NPAS3: variants seen among roughly 807,000 people sequenced by gnomAD.
NPAS3 encodes the protein neuronal PAS domain protein 3, also known as neuronal PAS domain-containing protein 3.
NPAS3 carries 14 observed loss-of-function variants against 73.1 expected under a neutral mutation model. The observed-to-expected ratio is 0.19, with a 90% CI of 0.13 to 0.30. NPAS3 has a LOEUF of 0.30. Ranked by LOEUF, NPAS3 falls within the 10% of genes least tolerant of loss-of-function variation. NPAS3 has a pLI of 1.00. For missense variants in NPAS3, 1,096 were observed against 1,250.0 expected, an observed-to-expected ratio of 0.88 and a Z score of 1.86; for synonymous variants, 620 against 541.5, an observed-to-expected ratio of 1.14 and a Z score of -2.01.
At chr14:33,653,414 G>C (rs1482782941) in intron 5 of NPAS3, among the ~76,000 whole-genome samples, 1 of 152,208 alleles carries the variant, frequency 6.6e-6, no homozygotes, top group Non-Finnish European at 1.5e-5. Flanking sequence ...ATTCTTGGCA[G>C]CATGTTTTTA....
Position 33,160,650 on chromosome 14 carries a change from A to G in NPAS3, c.141-54532A>G, listed in dbSNP as rs555631748. ...AAACTTAAAGTATAATTAAAAAAAA[A>G]AAAAGAAAAGTCTGTGGTTCTGTCC... On this transcript the variant is annotated intron_variant, in intron 2 of 11. Transcript: ENST00000356141. Among the ~76,000 whole-genome samples, 6 of 152,118 alleles carry G rather than the reference A, an allele frequency of 3.9e-5. No homozygotes were observed. In the East Asian group the frequency reaches 9.6e-4, roughly 24 times the overall value.
chr14:33,578,982 A>G (rs1235657337), intron 5 of NPAS3, among the ~76,000 whole-genome samples: 1 of 152,254 alleles, frequency 6.6e-6, no homozygotes, highest in Non-Finnish European at 1.5e-5. Context: ...GCCAAGCTCA[A>G]TGTCAGCAGT....
chr14:33,080,824 A>C (rs1595397896), intron 2 of NPAS3, among the ~76,000 whole-genome samples: 1 of 152,228 alleles, frequency 6.6e-6, no homozygotes, highest in Non-Finnish European at 1.5e-5. Flanking sequence ...GAGGTTTTGC[A>C]GTCTTTCAGC....
At chr14:33,175,535 A>G (rs1281935405) in intron 2 of NPAS3, among the ~76,000 whole-genome samples, 1 of 152,212 alleles carries the variant, frequency 6.6e-6, no homozygotes, top group Non-Finnish European at 1.5e-5. Context: ...GGAAAAATTC[A>G]CATTTTTCCT....
At chr14:33,645,701 G>A (rs1229904602) in intron 5 of NPAS3, among the ~76,000 whole-genome samples, 3 of 152,160 alleles carry the variant, frequency 2.0e-5, no homozygotes, top group Non-Finnish European at 4.4e-5. Context: ...AGTAATTCAA[G>A]GACTCTCTCT....
At chr14:33,134,293 T>C (rs1256585045) in intron 2 of NPAS3, among the ~76,000 whole-genome samples, 1 of 152,110 alleles carries the variant, frequency 6.6e-6, no homozygotes, top group Non-Finnish European at 1.5e-5. Context: ...AATGACCTCT[T>C]TATGAATGCA....
chr14:33,523,146 G>C (rs530430994), intron 4 of NPAS3, among the ~76,000 whole-genome samples: 1 of 152,190 alleles, frequency 6.6e-6, no homozygotes, highest in South Asian at 2.1e-4. Flanking sequence ...CAAAAAGTAA[G>C]TTAAGGCAAA....
intron 4 of NPAS3, among the ~76,000 whole-genome samples, chr14:33,556,485 C>A (rs752178525): frequency 1.3e-5 from 2 of 152,154 alleles, no homozygotes; most frequent in Non-Finnish European, 2.9e-5. Flanking sequence ...GAAAAGGGAG[C>A]ACTGAGCATG....
intron 3 of NPAS3, among the ~76,000 whole-genome samples, chr14:33,234,100 T>C (rs1455548680): frequency 6.6e-6 from 1 of 152,144 alleles, no homozygotes; most frequent in African/African-American, 2.4e-5. Context: ...TTGAAAGTTA[T>C]AAAAACCTAT....
At chr14:33,336,017 A>C (rs2044209535) in intron 3 of NPAS3, among the ~76,000 whole-genome samples, 1 of 152,230 alleles carries the variant, frequency 6.6e-6, no homozygotes, top group Non-Finnish European at 1.5e-5. Context: ...AGAAAATGCA[A>C]AACTTTCTAA....
intron 4 of NPAS3, among the ~76,000 whole-genome samples, chr14:33,502,970 G>T (rs1339262962): frequency 6.6e-6 from 1 of 151,614 alleles, no homozygotes; most frequent in East Asian, 2.0e-4. Flanking sequence ...CACTCACACA[G>T]CAACTATACC....
At chr14:33,559,169 T>C (rs1439210311) in intron 4 of NPAS3, among the ~76,000 whole-genome samples, 1 of 152,206 alleles carries the variant, frequency 6.6e-6, no homozygotes, top group East Asian at 1.9e-4. Context: ...TTTCTTTCTT[T>C]CTTCTTTTGT....
intron 5 of NPAS3, among the ~76,000 whole-genome samples, chr14:33,606,501 C>A (rs990448371): frequency 1.8e-4 from 27 of 152,124 alleles, no homozygotes; most frequent in African/African-American, 6.5e-4. Flanking sequence ...TAAAAATAGT[C>A]TTTTCAACAA....
chr14:33,617,604 TC>T (rs777328089), intron 5 of NPAS3, among the ~76,000 whole-genome samples: 6 of 152,196 alleles, frequency 3.9e-5, no homozygotes, highest in Non-Finnish European at 8.8e-5. Flanking sequence ...TAATGTACAC[TC>T]CTGTTCCTTC....
intron 3 of NPAS3, among the ~76,000 whole-genome samples, chr14:33,331,311 ACTTTTT>A (rs976401062): frequency 7.2e-4 from 109 of 152,246 alleles, no homozygotes; most frequent in African/African-American, 2.6e-3. Context: ...TAATCACCAA[ACTTTTT>A]CTTTTTTATT....
intron 5 of NPAS3, 136 bp downstream of exon 5, chr14:33,560,346 C>G (rs2055581060): frequency 2.0e-6 from 1 of 502,244 alleles, no homozygotes. Flanking sequence ...TGACTGTTCT[C>G]TCAAAGTCAG....
chr14:33,332,764 G>T (rs910299890), intron 3 of NPAS3, among the ~76,000 whole-genome samples: 1 of 152,142 alleles, frequency 6.6e-6, no homozygotes, highest in African/African-American at 2.4e-5. Flanking sequence ...CAGTTGAATT[G>T]TTTCACTAGG....
intron 9 of NPAS3, among the ~76,000 whole-genome samples, chr14:33,782,938 A>C (rs1452902061): frequency 2.0e-5 from 3 of 152,202 alleles, no homozygotes; most frequent in Non-Finnish European, 2.9e-5. Context: ...GCTGTTTTGC[A>C]TCAATAACCC....
chr14:33,066,047 T>TCCAGAAACTACATAAA (rs1260806774), intron 2 of NPAS3, among the ~76,000 whole-genome samples: 1 of 152,108 alleles, frequency 6.6e-6, no homozygotes, highest in Non-Finnish European at 1.5e-5. Context: ...TGGTGAAGAA[T>TCCAGAAACTACATAAA]ATATTTTATG....
Sources: allele counts gnomAD v4.1 joint callset (sites outside exome capture counted in the v4.1 genomes callset), GRCh38; gene constraint gnomAD v4.1.1; transcripts MANE v1.5; gene names NCBI Gene and HGNC (gene_info 2026-07-23, HGNC 2026-07-21).